The following PDS5A variants were observed in gnomAD, a reference collection of about 807,000 sequenced individuals.
The protein encoded by PDS5A is sister chromatid cohesion protein PDS5 homolog A.
A neutral mutation model predicts 167.1 loss-of-function variants in PDS5A; 42 were observed. The observed-to-expected ratio is 0.25, with a 90% CI of 0.20 to 0.33. The LOEUF (loss-of-function observed/expected upper bound fraction) is 0.33. PDS5A is among the 10% of genes least tolerant of loss of function. The pLI is 1.00. For missense variants in PDS5A, 1,033 were observed against 1,605.9 expected (o/e 0.64, Z 6.10); for synonymous variants, 553 against 554.6 (o/e 1.00, Z 0.04).
intron 26 of PDS5A, among the ~76,000 whole-genome samples, chr4:39,850,150 T>G (rs957287198): frequency 4.0e-5 from 6 of 151,806 alleles, no homozygotes; most frequent in Admixed American, 3.9e-4. Context: ...CAGGCACCTG[T>G]AGTCCCGGCT....
chr4:39,880,615 A>G (rs1720848378), intron 17 of PDS5A, among the ~76,000 whole-genome samples: 1 of 152,186 alleles, frequency 6.6e-6, no homozygotes, highest in Non-Finnish European at 1.5e-5. Flanking sequence ...ATTCATTAAA[A>G]AAAATTTAAG....
chr4:39,876,203 G>C (rs1283900004), intron 19 of PDS5A, among the ~76,000 whole-genome samples: 1 of 152,012 alleles, frequency 6.6e-6, no homozygotes, highest in Admixed American at 6.6e-5. Context: ...TTGTGTCAGT[G>C]ATCTTTTTCT....
intron 14 of PDS5A, among the ~76,000 whole-genome samples, chr4:39,899,806 T>C (rs554323571): frequency 6.1e-4 from 85 of 140,378 alleles, no homozygotes; most frequent in African/African-American, 2.2e-3. Context: ...GCTGTGATCA[T>C]GCCACTATGC....
At chr4:39,928,840 A>AAAG (rs558476299) in intron 2 of PDS5A, among the ~76,000 whole-genome samples, 1 of 151,348 alleles carries the variant, frequency 6.6e-6, no homozygotes, top group South Asian at 2.1e-4. Flanking sequence ...AAAAAAAAAA[A>AAAG]GGCATTTTAA....
intron 20 of PDS5A, 99 bp from the exon 21 acceptor site, chr4:39,873,243 T>G (rs1578646323): frequency 3.3e-6 from 2 of 601,970 alleles, no homozygotes; most frequent in East Asian, 3.2e-5. Flanking sequence ...GAATTTACCA[T>G]GCCCAAACCA....
rs1717537736 is a variant in PDS5A, at chr4:39,845,785, A to G, written c.3402+33T>C. 6 of 1,380,538 alleles carry G rather than the reference A, an allele frequency of 4.3e-6. No individual in the cohort carries two copies. The East Asian group carries it at 9.1e-5, about 21-fold the overall frequency. The allele number at this position is 1,380,538 out of a possible 1,614,324, so 85.5% of individuals were successfully genotyped here. Reference sequence around the variant, plus strand: ...ATAGCAGAAGCAAGATACACATGAAACAAAGATCTCAAAATTATTAAGTAA... The same window carrying G: ...ATAGCAGAAGCAAGATACACATGAAGCAAAGATCTCAAAATTATTAAGTAA... On this transcript the variant is annotated intron_variant, in intron 29 of 32. Coordinates refer to ENST00000303538, the MANE Select transcript of PDS5A (RefSeq NM_001100399.2).
At chr4:39,902,075 G>A (rs78062880) in intron 13 of PDS5A, among the ~76,000 whole-genome samples, 3,375 of 152,212 alleles carry the variant, frequency 0.022, 110 homozygotes, top group African/African-American at 0.076. Context: ...TAAAGCACCA[G>A]TAGTTTTAGA....
chr4:39,881,631 T>C lies in PDS5A; in HGVS notation c.1887-1798A>G, dbSNP rs373268752. 2.5e-3 allele frequency among the ~76,000 whole-genome samples: 385 copies of C among 152,308 alleles called. 1 individual carries two copies. Among genetic ancestry groups the C allele is most frequent in the Middle Eastern group, 0.014 (4 of 294 alleles). ...ACTATATTCACAAGGTTGTACCACC[T>C]AACTGTAGAACATCCCATCACTATC... On this transcript the variant is annotated intron_variant, in intron 17 of 32. Transcript: ENST00000303538.
Position 39,825,215 on chromosome 4 carries a change from T to C in PDS5A, c.*270A>G. On this transcript the variant is annotated 3_prime_UTR_variant, in exon 33 of 33. Transcript: ENST00000303538. ...ACCAAGTGTTAAGCAATTTGCTTAA[T>C]TATTGACTTTTCGTAAGAAAAGTCT... The C allele has an allele frequency of 8.4e-6, 3 of 357,980 alleles. No individual in the cohort carries two copies. The highest frequency in any genetic ancestry group is 1.5e-5 in the Non-Finnish European group (3 of 199,894). 22.2% of individuals were successfully genotyped at this position (357,980 alleles called of 1,614,324 possible).
At chr4:39,976,872 C>A (rs1731144399) in intron 1 of PDS5A, among the ~76,000 whole-genome samples, 1 of 152,152 alleles carries the variant, frequency 6.6e-6, no homozygotes, top group African/African-American at 2.4e-5. Context: ...TTTCCCATTC[C>A]GCCTTTCACA....
chr4:39,976,365 AGACT>A (rs1731081194), intron 2 of PDS5A, 71 bp downstream of exon 2: 2 of 1,307,414 alleles, frequency 1.5e-6, no homozygotes, highest in Non-Finnish European at 2.1e-6. Flanking sequence ...TTTAAAGGCC[AGACT>A]GAGCAGGGTA....
At chr4:39,955,797 T>TA (rs935702641) in intron 2 of PDS5A, among the ~76,000 whole-genome samples, 8 of 145,804 alleles carry the variant, frequency 5.5e-5, no homozygotes, top group Non-Finnish European at 7.6e-5. Context: ...AAAACTGCCC[T>TA]AAAAAAAAAA....
intron 21 of PDS5A, 152 bp downstream of exon 21, chr4:39,872,834 G>T: frequency 2.3e-6 from 1 of 433,424 alleles, no homozygotes; most frequent in Non-Finnish European, 4.0e-6. Context: ...TAAGGAAGTA[G>T]TTTCGAATTT....
intron 16 of PDS5A, among the ~76,000 whole-genome samples, chr4:39,892,436 A>C (rs1411890774): frequency 6.6e-6 from 1 of 152,254 alleles, no homozygotes; most frequent in African/African-American, 2.4e-5. Flanking sequence ...AACTGAAAAT[A>C]TAGCAGTCAT....
At chr4:39,935,156 G>T (rs544872771) in intron 2 of PDS5A, among the ~76,000 whole-genome samples, 2 of 152,200 alleles carry the variant, frequency 1.3e-5, no homozygotes, top group Non-Finnish European at 2.9e-5. Context: ...GATTGGGACG[G>T]AGTCTCACTC....
intron 2 of PDS5A, among the ~76,000 whole-genome samples, chr4:39,930,215 CAAAAAA>C (rs764983592): frequency 2.0e-3 from 71 of 35,070 alleles, no homozygotes; most frequent in South Asian, 2.9e-3. Context: ...GACTCCATCT[CAAAAAA>C]AAAAAAAAAA....
intron 11 of PDS5A, 75 bp from the exon 12 acceptor site, chr4:39,904,266 C>T: frequency 2.0e-6 from 2 of 1,023,140 alleles, no homozygotes; most frequent in Non-Finnish European, 2.9e-6. Context: ...GCCTTGGCTT[C>T]ATTAGGTTGT....
Position 39,844,702 on chromosome 4 carries a change from T to C in PDS5A, c.3502A>G (p.Ile1168Val). 1.2e-6 allele frequency: 2 copies of C among 1,613,356 alleles called. No homozygotes were observed. The highest frequency in any genetic ancestry group is 2.2e-5 in the East Asian group (1 of 44,864). ...GGGTTCAGCTCTGAATTTACATTAATATTGCTTCCAGTCTCAGTGCCAGTG... is the reference window on the plus strand; with the variant it reads ...GGGTTCAGCTCTGAATTTACATTAACATTGCTTCCAGTCTCAGTGCCAGTG... ...RSTGTETGSNINVNSELNPST... is the reference protein window; with the variant it reads ...RSTGTETGSNVNVNSELNPST... Residue 1168 changes from isoleucine to valine, a missense_variant, in exon 30 of 33, where the codon ATT (isoleucine) becomes GTT (valine). Ile to Val is a conservative substitution (Grantham distance 29, BLOSUM62 3). Around this residue, in one of 4 missense-constraint regions of PDS5A, gnomAD observed 233 missense variants for 264.0 expected, o/e 0.88. Transcript: ENST00000303538.
chr4:39,970,790 CTTTTTTTTT>C (rs35223238), intron 2 of PDS5A, among the ~76,000 whole-genome samples: 7 of 88,498 alleles, frequency 7.9e-5, no homozygotes, highest in East Asian at 7.9e-4. Context: ...CCGCTTGTTC[CTTTTTTTTT>C]TTTTTTTTTT....
Sources: gnomAD v4.1 joint callset for allele counts (sites outside exome capture counted in the v4.1 genomes callset) on GRCh38, gnomAD v4.1.1 for gene constraint, gnomAD v4.1.1 regional missense constraint, MANE v1.5 for transcripts, NCBI Gene and HGNC (gene_info 2026-07-23, HGNC 2026-07-21) for gene names.